The following CSTPP1 variants were observed in gnomAD, a reference collection of about 807,000 sequenced individuals.
CSTPP1 encodes centriolar satellite-associated tubulin polyglutamylase complex regulator 1.
At chr11:47,053,705 C>T in the CSTPP1 span, among the ~76,000 whole-genome samples, 3 of 151,126 alleles carry the variant, frequency 2.0e-5, no homozygotes, top group Non-Finnish European at 4.4e-5. Context: ...ATTTTGGGAG[C>T]CCAAGGTGGG....
chr11:46,948,359 T>A, the CSTPP1 span, among the ~76,000 whole-genome samples: 1 of 152,216 alleles, frequency 6.6e-6, no homozygotes, highest in Non-Finnish European at 1.5e-5. Flanking sequence ...AGGCTAGCAC[T>A]CAGGACACTG....
At chr11:47,164,104 C>A in the CSTPP1 span, 1 of 1,611,352 alleles carries the variant, frequency 6.2e-7, no homozygotes, top group South Asian at 1.1e-5. Flanking sequence ...GTGGTGAGGT[C>A]GAAGCTGCAC....
chr11:47,097,199 G>A, the CSTPP1 span, among the ~76,000 whole-genome samples: 1 of 122,324 alleles, frequency 8.2e-6, no homozygotes, highest in African/African-American at 2.7e-5. Context: ...GAGGTGAGGG[G>A]CGCCTCTGCC....
the CSTPP1 span, among the ~76,000 whole-genome samples, chr11:47,119,196 C>G: frequency 2.6e-5 from 4 of 152,264 alleles, no homozygotes; most frequent in Admixed American, 6.5e-5. Flanking sequence ...GCTGCCGCCT[C>G]GCAGATCAAT....
At chr11:47,091,140 C>T in the CSTPP1 span, among the ~76,000 whole-genome samples, 2 of 150,714 alleles carry the variant, frequency 1.3e-5, no homozygotes, top group South Asian at 4.2e-4. Flanking sequence ...ACCTGTAATC[C>T]CAGCACTTTG....
the CSTPP1 span, among the ~76,000 whole-genome samples, chr11:47,134,090 AT>A: frequency 6.6e-6 from 1 of 151,972 alleles, no homozygotes; most frequent in Non-Finnish European, 1.5e-5. Flanking sequence ...AGCTTATTTC[AT>A]CCCTCTAAAC....
chr11:46,993,838 A>T, the CSTPP1 span, among the ~76,000 whole-genome samples: 2 of 152,128 alleles, frequency 1.3e-5, no homozygotes, highest in Admixed American at 6.5e-5. Context: ...CTTGATGGGG[A>T]TGGCATTGAA....
chr11:46,989,258 T>A, the CSTPP1 span, among the ~76,000 whole-genome samples: 2 of 152,136 alleles, frequency 1.3e-5, no homozygotes, highest in African/African-American at 4.8e-5. Context: ...TACTTCTTTA[T>A]AAAGTATACT....
the CSTPP1 span, among the ~76,000 whole-genome samples, chr11:47,063,939 C>A: frequency 7.0e-4 from 107 of 152,288 alleles, no homozygotes; most frequent in African/African-American, 2.4e-3. Flanking sequence ...TACATTCTCA[C>A]CAGCAATGCA....
chr11:47,100,867 C>T, the CSTPP1 span, among the ~76,000 whole-genome samples: 1 of 85,444 alleles, frequency 1.2e-5, no homozygotes, highest in Non-Finnish European at 2.7e-5. Context: ...CTCTGAAATT[C>T]TTTGCTTTTG....
the CSTPP1 span, among the ~76,000 whole-genome samples, chr11:46,974,270 G>A: frequency 6.6e-6 from 1 of 152,188 alleles, no homozygotes; most frequent in African/African-American, 2.4e-5. Context: ...GCTCACGCCT[G>A]TAATCCCAGC....
the CSTPP1 span, chr11:46,948,028 A>G: frequency 2.2e-6 from 1 of 456,074 alleles, no homozygotes; most frequent in South Asian, 1.5e-5. Context: ...TAAAATAGGC[A>G]TGCTTGAAAC....
chr11:47,158,160 C>T, the CSTPP1 span, among the ~76,000 whole-genome samples: 2 of 152,094 alleles, frequency 1.3e-5, no homozygotes, highest in Non-Finnish European at 1.5e-5. Flanking sequence ...GAAACCACCT[C>T]CCCATAGCAG....
chr11:46,936,964 A>C, the CSTPP1 span: 22 of 658,452 alleles, frequency 3.3e-5, no homozygotes, highest in East Asian at 6.1e-5. Flanking sequence ...TGGTATGGGG[A>C]GGGGCGGAGA....
the CSTPP1 span, among the ~76,000 whole-genome samples, chr11:47,012,033 G>T: frequency 6.6e-6 from 1 of 151,996 alleles, no homozygotes; most frequent in Admixed American, 6.6e-5. Flanking sequence ...TCAGCGACTT[G>T]GGAGGCTGAA....
At chr11:47,078,815 G>A in the CSTPP1 span, among the ~76,000 whole-genome samples, 8 of 152,148 alleles carry the variant, frequency 5.3e-5, no homozygotes, top group African/African-American at 1.9e-4. Context: ...ATTTGAGAAT[G>A]GAAAATATCT....
the CSTPP1 span, among the ~76,000 whole-genome samples, chr11:47,084,894 A>C: frequency 2.0e-5 from 3 of 152,158 alleles, no homozygotes; most frequent in Non-Finnish European, 4.4e-5. Flanking sequence ...GATTGAAATT[A>C]TTAAGAATCG....
At chr11:47,158,733 C>T in the CSTPP1 span, among the ~76,000 whole-genome samples, 3 of 152,142 alleles carry the variant, frequency 2.0e-5, no homozygotes, top group Non-Finnish European at 4.4e-5. Flanking sequence ...CTGGGTTTCA[C>T]CATGTTGCCC....
the CSTPP1 span, among the ~76,000 whole-genome samples, chr11:47,021,596 C>T: frequency 6.6e-6 from 1 of 152,150 alleles, no homozygotes. Flanking sequence ...GTGCTCTGAT[C>T]AAAAGGCCTC....
Sources: allele counts gnomAD v4.1 joint callset (sites outside exome capture counted in the v4.1 genomes callset), GRCh38; gene constraint gnomAD v4.1.1; transcripts MANE v1.5; gene names NCBI Gene and HGNC (gene_info 2026-07-23, HGNC 2026-07-21).